Variants in LHFPL3 observed in about 807,000 individuals in gnomAD.
LHFPL3 encodes LHFPL tetraspan subfamily member 3.
A neutral mutation model predicts 19.3 loss-of-function variants in LHFPL3; 5 were observed. The observed-to-expected ratio is 0.26, with a 90% CI of 0.14 to 0.54. The LOEUF is 0.54. LHFPL3 is among the 20% of genes least tolerant of loss of function. LHFPL3 has a pLI of 0.94. For missense variants in LHFPL3, 249 were observed against 307.4 expected (o/e 0.81, Z 1.42); for synonymous variants, 133 against 126.2 (o/e 1.05, Z -0.36).
intron 1 of LHFPL3, among the ~76,000 whole-genome samples, chr7:104,707,565 C>G (rs1156967194): frequency 1.3e-5 from 2 of 152,312 alleles, no homozygotes; most frequent in Non-Finnish European, 1.5e-5. Flanking sequence ...GAGAGAGGCT[C>G]TGCTGGGACC....
chr7:104,448,072 A>G (rs1270053527), intron 1 of LHFPL3, among the ~76,000 whole-genome samples: 2 of 152,192 alleles, frequency 1.3e-5, no homozygotes, highest in Non-Finnish European at 2.9e-5. Flanking sequence ...TAATTTAAAA[A>G]ACACCATTTT....
chr7:104,882,699 A>T (rs1792079721), intron 2 of LHFPL3, among the ~76,000 whole-genome samples: 3 of 152,150 alleles, frequency 2.0e-5, no homozygotes, highest in Admixed American at 1.3e-4. Context: ...AATATTCTAA[A>T]ATTAGATAGT....
chr7:104,512,108 CCA>C (rs1398182944), intron 1 of LHFPL3, among the ~76,000 whole-genome samples: 3 of 151,788 alleles, frequency 2.0e-5, no homozygotes, highest in African/African-American at 7.3e-5. Flanking sequence ...GCACGCTCCA[CCA>C]CACTCAGCTA....
At chr7:104,384,787 C>CAAAAAAAA (rs771136918) in intron 1 of LHFPL3, among the ~76,000 whole-genome samples, 6 of 74,556 alleles carry the variant, frequency 8.0e-5, no homozygotes, top group East Asian at 4.1e-4. Flanking sequence ...AACTCTATTT[C>CAAAAAAAA]AAAAAAAAAA....
At chr7:104,472,030 T>C (rs1018080932) in intron 1 of LHFPL3, among the ~76,000 whole-genome samples, 2 of 151,968 alleles carry the variant, frequency 1.3e-5, no homozygotes, top group Non-Finnish European at 2.9e-5. Flanking sequence ...GTTCAAAAAT[T>C]AGCCGAGGGT....
At chr7:104,334,414 G>T (rs1801623108) in intron 1 of LHFPL3, among the ~76,000 whole-genome samples, 1 of 152,170 alleles carries the variant, frequency 6.6e-6, no homozygotes, top group Non-Finnish European at 1.5e-5. Flanking sequence ...AGGTATGGTG[G>T]CGTACACCTG....
At chr7:104,470,805 C>T (rs952436309) in intron 1 of LHFPL3, among the ~76,000 whole-genome samples, 6 of 152,152 alleles carry the variant, frequency 3.9e-5, no homozygotes, top group Non-Finnish European at 7.4e-5. Flanking sequence ...GCTTTCTCTT[C>T]GCAATAGGTC....
chr7:104,648,373 A>C (rs182078325), intron 1 of LHFPL3, among the ~76,000 whole-genome samples: 218 of 152,330 alleles, frequency 1.4e-3, no homozygotes, highest in Non-Finnish European at 2.7e-3. Flanking sequence ...CAAAGCTCTC[A>C]GATGATGTAT....
At chr7:104,531,788 GT>G (rs1241857157) in intron 1 of LHFPL3, among the ~76,000 whole-genome samples, 2 of 152,158 alleles carry the variant, frequency 1.3e-5, no homozygotes, top group Non-Finnish European at 2.9e-5. Flanking sequence ...GATACACCAT[GT>G]TTTGGTGGGT....
At chr7:104,521,197 C>T (rs1794051596) in intron 1 of LHFPL3, among the ~76,000 whole-genome samples, 1 of 152,026 alleles carries the variant, frequency 6.6e-6, no homozygotes, top group Non-Finnish European at 1.5e-5. Context: ...GCCTTCATTT[C>T]GTTATGTACC....
At chr7:104,677,415 T>C (rs995212770) in intron 1 of LHFPL3, among the ~76,000 whole-genome samples, 1 of 151,392 alleles carries the variant, frequency 6.6e-6, no homozygotes, top group Non-Finnish European at 1.5e-5. Flanking sequence ...ATAGTGAAAC[T>C]ATATGGGCTA....
intron 2 of LHFPL3, chr7:104,752,912 T>C: frequency 3.0e-6 from 1 of 335,338 alleles, no homozygotes; most frequent in Non-Finnish European, 5.4e-6. Context: ...CTACCATCAA[T>C]ATCTTACATC....
intron 1 of LHFPL3, among the ~76,000 whole-genome samples, chr7:104,602,039 T>TG (rs1790981683): frequency 6.8e-6 from 1 of 147,582 alleles, no homozygotes; most frequent in South Asian, 2.2e-4. Flanking sequence ...TTTTTTTTTT[T>TG]TCTGACAGCC....
chr7:104,418,149 T>C (rs1317298298), intron 1 of LHFPL3, among the ~76,000 whole-genome samples: 1 of 152,184 alleles, frequency 6.6e-6, no homozygotes, highest in African/African-American at 2.4e-5. Flanking sequence ...ATACTGCGAT[T>C]ACAGGTGTGA....
chr7:104,371,137 G>A (rs995224774), intron 1 of LHFPL3, among the ~76,000 whole-genome samples: 2 of 152,088 alleles, frequency 1.3e-5, no homozygotes, highest in Non-Finnish European at 2.9e-5. Context: ...AAAAAGCTAC[G>A]ATTGTTTTTC....
chr7:104,821,598 G>A (rs899899114), intron 2 of LHFPL3, among the ~76,000 whole-genome samples: 4 of 152,116 alleles, frequency 2.6e-5, no homozygotes, highest in African/African-American at 9.7e-5. Context: ...GACAAAGATC[G>A]GACCCTTTTA....
intron 1 of LHFPL3, among the ~76,000 whole-genome samples, chr7:104,575,460 T>C (rs1376020807): frequency 6.7e-6 from 1 of 149,404 alleles, no homozygotes; most frequent in African/African-American, 2.5e-5. Flanking sequence ...TAAAATTCAC[T>C]AAAAGTGTTA....
At chr7:104,379,144 C>G (rs540494632) in intron 1 of LHFPL3, among the ~76,000 whole-genome samples, 2 of 152,302 alleles carry the variant, frequency 1.3e-5, no homozygotes, top group South Asian at 4.1e-4. Flanking sequence ...CCCGAAGATA[C>G]AGACTTCGCT....
chr7:104,904,148 A>G (rs1186526723), intron 2 of LHFPL3, among the ~76,000 whole-genome samples: 1 of 152,224 alleles, frequency 6.6e-6, no homozygotes, highest in Non-Finnish European at 1.5e-5. Flanking sequence ...TCATATTTCA[A>G]TTATCCTCTG....
Sources: gnomAD v4.1 joint callset for allele counts (sites outside exome capture counted in the v4.1 genomes callset) on GRCh38, gnomAD v4.1.1 for gene constraint, MANE v1.5 for transcripts, NCBI Gene and HGNC (gene_info 2026-07-23, HGNC 2026-07-21) for gene names.